Variants in CCDC149 observed in about 807,000 individuals in gnomAD.
CCDC149 encodes the protein coiled-coil domain-containing protein 149.
CCDC149 carries 45 observed loss-of-function variants against 59.9 expected under a neutral mutation model. The ratio of observed to expected loss-of-function variants is 0.75; its 90% CI spans 0.59 to 0.96. The LOEUF is 0.96. CCDC149 is among the 40% of genes least tolerant of loss of function. The pLI, the probability that CCDC149 is intolerant of heterozygous loss-of-function variation, is 0.00. For missense variants in CCDC149, 584 were observed against 664.7 expected (o/e 0.88, Z 1.33); for synonymous variants, 245 against 260.6 (o/e 0.94, Z 0.58).
intron 6 of CCDC149, among the ~76,000 whole-genome samples, chr4:24,836,932 T>C (rs1266507481): frequency 6.6e-6 from 1 of 152,210 alleles, no homozygotes; most frequent in East Asian, 1.9e-4. Context: ...TTCTTTTCTT[T>C]CTCCTTGATG....
intron 1 of CCDC149, among the ~76,000 whole-genome samples, chr4:24,880,994 G>A (rs868712631): frequency 2.0e-5 from 3 of 152,164 alleles, no homozygotes; most frequent in African/African-American, 7.2e-5. Flanking sequence ...ACGGGGTAAG[G>A]GCTCCAGTCC....
At chr4:24,872,027 T>C (rs1577433251) in intron 3 of CCDC149, among the ~76,000 whole-genome samples, 1 of 152,122 alleles carries the variant, frequency 6.6e-6, no homozygotes, top group Non-Finnish European at 1.5e-5. Context: ...CTGAGAAAAG[T>C]AACATATAAG....
At chr4:24,885,310 A>T (rs1239942304) in intron 1 of CCDC149, among the ~76,000 whole-genome samples, 1 of 152,210 alleles carries the variant, frequency 6.6e-6, no homozygotes, top group Non-Finnish European at 1.5e-5. Flanking sequence ...TGGACAGTAC[A>T]GTGTGGGTGG....
chr4:24,965,709 C>T (rs1454185573), intron 1 of CCDC149, among the ~76,000 whole-genome samples: 1 of 152,218 alleles, frequency 6.6e-6, no homozygotes, highest in African/African-American at 2.4e-5. Flanking sequence ...TCAGTGACTT[C>T]AGCTTCTACC....
At chr4:24,941,309 C>A (rs1489407943) in intron 1 of CCDC149, among the ~76,000 whole-genome samples, 1 of 152,040 alleles carries the variant, frequency 6.6e-6, no homozygotes, top group Non-Finnish European at 1.5e-5. Context: ...GGGTACATAA[C>A]GAAATGAAGG....
chr4:24,880,985 C>G (rs118155725), intron 1 of CCDC149, among the ~76,000 whole-genome samples: 1 of 152,276 alleles, frequency 6.6e-6, no homozygotes, highest in East Asian at 1.9e-4. Flanking sequence ...GGAGAAAGCA[C>G]GGGGTAAGGG....
intron 1 of CCDC149, among the ~76,000 whole-genome samples, chr4:24,885,273 C>A (rs967111503): frequency 6.6e-6 from 1 of 152,136 alleles, no homozygotes; most frequent in Non-Finnish European, 1.5e-5. Flanking sequence ...AAACTTTCAT[C>A]CTGACATCCT....
intron 3 of CCDC149, among the ~76,000 whole-genome samples, chr4:24,860,546 TG>T (rs1718312153): frequency 6.6e-6 from 1 of 152,092 alleles, no homozygotes; most frequent in Admixed American, 6.5e-5. Context: ...AAATACATCA[TG>T]ACCAGGAATA....
Position 24,831,603 on chromosome 4 carries a change from G to T in CCDC149, c.868C>A (p.Pro290Thr). ...GATTTCAGGTCAGAAATGGACTGCG[G>T]AGTAGCTGGGAGGCTGCATCCATGA... Residue 290 changes from proline (P) to threonine (T), a missense_variant, in exon 9 of 13, where the codon CCG (proline) becomes ACG (threonine). Transcript: ENST00000635206. The T allele has an allele frequency of 6.2e-7, 1 of 1,614,110 alleles. No homozygotes were observed. The highest frequency in any genetic ancestry group is 8.5e-7 in the Non-Finnish European group (1 of 1,179,976).
At chr4:24,899,614 TAAGGGCA>T (rs1365811236) in intron 1 of CCDC149, among the ~76,000 whole-genome samples, 2 of 152,182 alleles carry the variant, frequency 1.3e-5, no homozygotes, top group East Asian at 3.9e-4. Context: ...CGAAAGTGGA[TAAGGGCA>T]AAGGGACAGA....
intron 1 of CCDC149, among the ~76,000 whole-genome samples, chr4:24,955,067 C>CT (rs1358328522): frequency 6.6e-6 from 1 of 152,182 alleles, no homozygotes; most frequent in African/African-American, 2.4e-5. Context: ...CTGGTACCAA[C>CT]TTTTGTCTTA....
intron 10 of CCDC149, among the ~76,000 whole-genome samples, chr4:24,821,744 A>C (rs1715413446): frequency 6.6e-6 from 1 of 152,236 alleles, no homozygotes; most frequent in Non-Finnish European, 1.5e-5. Flanking sequence ...AATGGTAAAT[A>C]CAAGTTTCTG....
At chr4:24,868,162 C>T (rs560288128) in intron 3 of CCDC149, among the ~76,000 whole-genome samples, 42 of 152,304 alleles carry the variant, frequency 2.8e-4, no homozygotes, top group African/African-American at 4.8e-4. Context: ...CTGCTGGTGA[C>T]GCAGTTTAGA....
chr4:24,836,539 T>A (rs746040687), intron 6 of CCDC149, 31 bp from the exon 7 acceptor site: 1 of 1,437,830 alleles, frequency 7.0e-7, no homozygotes, highest in South Asian at 1.2e-5. Flanking sequence ...CTAGGAGGTG[T>A]TTAAGGGCTA....
intron 8 of CCDC149, among the ~76,000 whole-genome samples, chr4:24,833,001 T>G (rs1716255555): frequency 6.6e-6 from 1 of 152,166 alleles, no homozygotes; most frequent in Non-Finnish European, 1.5e-5. Flanking sequence ...CTGCTGCTTC[T>G]CCCGCCGTCT....
At chr4:24,967,384 T>C (rs1309669781) in intron 1 of CCDC149, among the ~76,000 whole-genome samples, 1 of 152,132 alleles carries the variant, frequency 6.6e-6, no homozygotes, top group African/African-American at 2.4e-5. Flanking sequence ...GAAAGCCTGA[T>C]GGAACTTGGC....
intron 1 of CCDC149, among the ~76,000 whole-genome samples, chr4:24,960,084 T>C (rs1723595562): frequency 6.6e-6 from 1 of 152,176 alleles, no homozygotes; most frequent in South Asian, 2.1e-4. Flanking sequence ...GTTTATAACA[T>C]ATGTAAAAGT....
chr4:24,912,933 TCGC>T lies in CCDC149; in HGVS notation c.-57_-55del, dbSNP rs1181249057. ...GCCTCCTCCTCCTCGCGACGTCGCG[TCGC>T]CGCCGCCGCCCGGGCCCCGCGCGGC... is the stretch of plus-strand genomic sequence containing the variant. On this transcript the variant is annotated 5_prime_UTR_variant, in exon 1 of 13. Coordinates refer to ENST00000635206, the MANE Select transcript of CCDC149 (RefSeq NM_001330643.2). 3.3e-5 allele frequency: 36 copies of T among 1,087,708 alleles called. No individual in the cohort carries two copies. Among genetic ancestry groups the T allele is most frequent in the Middle Eastern group, 3.4e-4 (1 of 2,904 alleles). 67.4% of individuals were successfully genotyped at this position (1,087,708 alleles called of 1,614,324 possible). A position where few individuals can be genotyped will look rare whatever the true frequency, so the allele number is the denominator to read the frequency against.
chr4:24,804,744 A>C (rs2109074792), downstream of CCDC149, among the ~76,000 whole-genome samples: 2 of 152,326 alleles, frequency 1.3e-5, no homozygotes, highest in South Asian at 4.1e-4. Context: ...GGAATAACAC[A>C]TCAAAAAATT....
Sources: allele counts gnomAD v4.1 joint callset (sites outside exome capture counted in the v4.1 genomes callset), GRCh38; gene constraint gnomAD v4.1.1; transcripts MANE v1.5; gene names NCBI Gene and HGNC (gene_info 2026-07-23, HGNC 2026-07-21).